STK32B: variants seen among roughly 807,000 people sequenced by gnomAD.
STK32B encodes serine/threonine kinase 32B.
A neutral mutation model predicts 52.6 loss-of-function variants in STK32B; 43 were observed. The observed-to-expected ratio is 0.82, with a 90% CI of 0.64 to 1.05. The LOEUF is 1.05. Ranked by LOEUF, STK32B falls within the 50% of genes least tolerant of loss-of-function variation. STK32B has a pLI of 0.00. For synonymous variants in STK32B, 238 were observed against 204.3 expected, an observed-to-expected ratio of 1.17 and a Z score of -1.41; for missense variants, 621 against 534.6, an observed-to-expected ratio of 1.16 and a Z score of -1.59.
intron 1 of STK32B, among the ~76,000 whole-genome samples, chr4:5,122,225 TATTCACTC>T (rs1715069855): frequency 6.7e-6 from 1 of 149,456 alleles, no homozygotes; most frequent in Admixed American, 6.6e-5. Flanking sequence ...TTCACTCGCT[TATTCACTC>T]ATTCACTCAC....
rs184592365 is a variant in STK32B at position 5,281,250 on chromosome 4, C to T, written c.261-49970C>T. On this transcript the variant is annotated intron_variant, in intron 3 of 11. Coordinates refer to ENST00000282908, the MANE Select transcript of STK32B (RefSeq NM_018401.3). The stretch of plus-strand genomic sequence containing the variant: ...CCCAATACTGGGAATTACAATTTGA[C>T]ATGAGATTTTGGTGGGGACACAGCC... Among the ~76,000 whole-genome samples, 28 of 152,262 alleles carry T rather than the reference C, an allele frequency of 1.8e-4. No individual in the cohort carries two copies. In the East Asian group the frequency reaches 5.4e-3, roughly 29 times the overall value.
intron 1 of STK32B, among the ~76,000 whole-genome samples, chr4:5,075,871 G>T (rs1386716298): frequency 2.6e-5 from 4 of 151,934 alleles, no homozygotes; most frequent in African/African-American, 9.7e-5. Flanking sequence ...ACAGTGCAGG[G>T]GTCCATGTAA....
chr4:5,436,724 T>C (rs1380497840), intron 6 of STK32B: 15 of 961,618 alleles, frequency 1.6e-5, no homozygotes, highest in Admixed American at 6.2e-5. Context: ...GTGACAGTCA[T>C]GGGAATTCCC....
intron 3 of STK32B, among the ~76,000 whole-genome samples, chr4:5,248,975 G>GC (rs1332142550): frequency 6.6e-5 from 10 of 152,070 alleles, no homozygotes; most frequent in African/African-American, 2.4e-4. Flanking sequence ...TATACCTAAT[G>GC]TAAAGGACGA....
At chr4:5,095,027 G>A (rs527449375) in intron 1 of STK32B, among the ~76,000 whole-genome samples, 7 of 152,208 alleles carry the variant, frequency 4.6e-5, no homozygotes, top group Non-Finnish European at 8.8e-5. Context: ...TCACTGCCTG[G>A]CAGGTGAGTG....
chr4:5,226,558 T>G (rs1019343194), intron 3 of STK32B, among the ~76,000 whole-genome samples: 22 of 152,252 alleles, frequency 1.4e-4, no homozygotes, highest in Admixed American at 1.4e-3. Context: ...ACCGTATCTA[T>G]GCCATCTGTG....
At chr4:5,100,634 CTT>C (rs369773149) in intron 1 of STK32B, among the ~76,000 whole-genome samples, 2,178 of 74,064 alleles carry the variant, frequency 0.029, 82 homozygotes, top group African/African-American at 0.12. Context: ...CTTTCTTTCT[CTT>C]TCTTTCTTTC....
chr4:5,159,578 T>TATATATGAATATATATGAATGA, intron 2 of STK32B, among the ~76,000 whole-genome samples: 1 of 22,282 alleles, frequency 4.5e-5, no homozygotes, highest in East Asian at 1.1e-3. Flanking sequence ...TATATATGAA[T>TATATATGAATATATATGAATGA]ATATATATGA....
intron 1 of STK32B, among the ~76,000 whole-genome samples, chr4:5,056,574 C>A (rs908038777): frequency 1.3e-5 from 2 of 152,262 alleles, no homozygotes; most frequent in Non-Finnish European, 2.9e-5. Context: ...GGCGGGCTCT[C>A]TCTTCATGGG....
chr4:5,331,323 A>G lies in STK32B; in HGVS notation c.364A>G (p.Thr122Ala). ...GCAGAATGTGCATTTCACAGAGGGG[A>G]CTGTGAAACTCTACATCTGTGAGCT... ...LQQNVHFTEG[T>A]VKLYICELAL... Residue 122 changes from threonine (T) to alanine (A), a missense_variant, in exon 4 of 12, where the codon ACT (threonine) becomes GCT (alanine). Thr to Ala is a moderately conservative substitution (Grantham distance 58). Coordinates refer to ENST00000282908, the MANE Select transcript of STK32B (RefSeq NM_018401.3). 2 of 1,613,840 alleles carry G rather than the reference A, an allele frequency of 1.2e-6. No individual in the cohort carries two copies. The highest frequency in any genetic ancestry group is 1.7e-6 in the Non-Finnish European group (2 of 1,179,888).
At chr4:5,474,827 CAT>C (rs368046428) in intron 11 of STK32B, among the ~76,000 whole-genome samples, 39 of 152,266 alleles carry the variant, frequency 2.6e-4, no homozygotes, top group African/African-American at 7.5e-4. Context: ...CTGATTAAAA[CAT>C]AATTCTGACT....
chr4:5,259,567 T>A (rs1339087702), intron 3 of STK32B, among the ~76,000 whole-genome samples: 1 of 152,230 alleles, frequency 6.6e-6, no homozygotes, highest in East Asian at 1.9e-4. Context: ...CACAGTTACA[T>A]AAAAATTTAA....
chr4:5,354,980 C>A (rs546954248), intron 4 of STK32B, among the ~76,000 whole-genome samples: 1 of 152,078 alleles, frequency 6.6e-6, no homozygotes, highest in African/African-American at 2.4e-5. Flanking sequence ...ATGCAGACAC[C>A]TCTAGAACCT....
At chr4:5,228,355 C>T (rs1724013926) in intron 3 of STK32B, among the ~76,000 whole-genome samples, 1 of 152,180 alleles carries the variant, frequency 6.6e-6, no homozygotes, top group Non-Finnish European at 1.5e-5. Context: ...TCATTGGAAA[C>T]TGGCCATGCT....
At chr4:5,468,281 G>A (rs1021678965) in intron 11 of STK32B, among the ~76,000 whole-genome samples, 10 of 152,226 alleles carry the variant, frequency 6.6e-5, no homozygotes, top group Admixed American at 5.9e-4. Context: ...TGTGGCCTGA[G>A]CCAGTCTCTG....
Position 5,064,424 on chromosome 4 carries a change from A to G in STK32B, c.52+12509A>G, listed in dbSNP as rs1441671930. Reference sequence around the variant, plus strand: ...ATATACATATAATATATAAATATATACTTATATACATATAATATATAAATA... The same window carrying G: ...ATATACATATAATATATAAATATATGCTTATATACATATAATATATAAATA... On this transcript the variant is annotated intron_variant, in intron 1 of 11. Coordinates refer to ENST00000282908, the MANE Select transcript of STK32B (RefSeq NM_018401.3). 6.0e-5 allele frequency among the ~76,000 whole-genome samples: 7 copies of G among 116,056 alleles called. 1 individual carries two copies. The highest frequency in any genetic ancestry group is 2.1e-4 in the African/African-American group (7 of 32,940). The allele number at this position is 116,056 out of a possible 152,430, so 76.1% of individuals were successfully genotyped here.
intron 3 of STK32B, among the ~76,000 whole-genome samples, chr4:5,277,529 C>A: frequency 6.6e-6 from 1 of 152,008 alleles, no homozygotes; most frequent in East Asian, 1.9e-4. Flanking sequence ...CTTATGAATG[C>A]GCTCCTGGAC....
intron 7 of STK32B, among the ~76,000 whole-genome samples, chr4:5,449,961 A>G (rs1386765665): frequency 6.6e-6 from 1 of 152,204 alleles, no homozygotes; most frequent in African/African-American, 2.4e-5. Flanking sequence ...TATCATAATA[A>G]TAAAGTGTAG....
At chr4:5,411,492 A>C (rs969106524) in intron 5 of STK32B, among the ~76,000 whole-genome samples, 4 of 152,260 alleles carry the variant, frequency 2.6e-5, no homozygotes, top group African/African-American at 9.6e-5. Flanking sequence ...ACAACTAAAA[A>C]TAGCTACTTG....
Sources: gnomAD v4.1 joint callset for allele counts (sites outside exome capture counted in the v4.1 genomes callset) on GRCh38, gnomAD v4.1.1 for gene constraint, MANE v1.5 for transcripts, NCBI Gene and HGNC (gene_info 2026-07-23, HGNC 2026-07-21) for gene names.